Variants in SDK1 observed in about 807,000 individuals in gnomAD.
SDK1 encodes sidekick cell adhesion molecule 1.
Under a neutral mutation model 245.5 loss-of-function variants are expected in SDK1, and 157 were observed. That is an observed-to-expected ratio of 0.64 (90% CI 0.56 to 0.73). The LOEUF (loss-of-function observed/expected upper bound fraction) is 0.73, where lower values mean the gene tolerates loss of function less well. SDK1 is among the 30% of genes least tolerant of loss of function. The pLI is 0.00. For missense variants in SDK1, 3,583 were observed against 3,002.3 expected, an observed-to-expected ratio of 1.19 and a Z score of -4.52; for synonymous variants, 1,647 against 1,278.5, an observed-to-expected ratio of 1.29 and a Z score of -6.15.
intron 1 of SDK1, among the ~76,000 whole-genome samples, chr7:3,557,650 C>T (rs1429737727): frequency 6.6e-6 from 1 of 152,164 alleles, no homozygotes; most frequent in Non-Finnish European, 1.5e-5. Flanking sequence ...CAGCATTGTA[C>T]TAAGGCTTTC....
At chr7:3,903,437 C>A (rs879723476) in intron 5 of SDK1, among the ~76,000 whole-genome samples, 1 of 152,020 alleles carries the variant, frequency 6.6e-6, no homozygotes, top group Non-Finnish European at 1.5e-5. Flanking sequence ...CGAGCCACCG[C>A]GCCCGGCCGA....
intron 1 of SDK1, among the ~76,000 whole-genome samples, chr7:3,532,761 C>G (rs906962139): frequency 4.6e-5 from 7 of 152,152 alleles, no homozygotes; most frequent in Admixed American, 3.9e-4. Context: ...ACTCTGCATT[C>G]GAAGGGTGAC....
intron 1 of SDK1, among the ~76,000 whole-genome samples, chr7:3,507,176 A>T (rs563953491): frequency 6.6e-6 from 1 of 152,166 alleles, no homozygotes. Context: ...AATGTCTTCA[A>T]CACTGTGTGT....
intron 1 of SDK1, among the ~76,000 whole-genome samples, chr7:3,590,575 T>C (rs2128635485): frequency 1.3e-5 from 2 of 152,248 alleles, no homozygotes; most frequent in South Asian, 4.1e-4. Context: ...AGAAATCTAT[T>C]AATTAAAATG....
intron 5 of SDK1, among the ~76,000 whole-genome samples, chr7:3,864,927 C>T (rs1048224809): frequency 6.6e-6 from 1 of 152,202 alleles, no homozygotes; most frequent in East Asian, 1.9e-4. Context: ...TTTCCCCCAG[C>T]ACAAATCCTC....
intron 4 of SDK1, among the ~76,000 whole-genome samples, chr7:3,650,189 A>G (rs991373855): frequency 7.2e-5 from 11 of 152,138 alleles, no homozygotes; most frequent in African/African-American, 2.4e-4. Context: ...CGCTGGGAGT[A>G]CAGGTGTGAG....
At chr7:4,027,951 AG>A (rs1298376253) in intron 17 of SDK1, among the ~76,000 whole-genome samples, 11 of 151,592 alleles carry the variant, frequency 7.3e-5, no homozygotes, top group Non-Finnish European at 1.5e-5. Flanking sequence ...AGCAACAAGC[AG>A]GGGAAGAATG....
chr7:4,099,287 A>G (rs1394046256), intron 22 of SDK1, among the ~76,000 whole-genome samples: 2 of 151,096 alleles, frequency 1.3e-5, no homozygotes, highest in African/African-American at 4.9e-5. Flanking sequence ...TGGCATTGGA[A>G]AGACAGTTTG....
In SDK1 at chr7:3,418,145, G is replaced by GAAAAA. The variant is rs200914826; in HGVS notation, c.298+116280_298+116284dup. ...GTGAAACCCGATCTCTACTAAAAAT[G>GAAAAA]AAAAAAAAAAAAAAAAAAAAAAATA... On this transcript the variant is annotated intron_variant, in intron 1 of 44. Coordinates refer to ENST00000404826, the MANE Select transcript of SDK1 (RefSeq NM_152744.4). Among the ~76,000 whole-genome samples, 97 of 119,682 alleles carry GAAAAA rather than the reference G, an allele frequency of 8.1e-4. 3 individuals are homozygous for GAAAAA. The highest frequency in any genetic ancestry group is 2.8e-3 in the South Asian group (11 of 3,926). 78.5% of individuals were successfully genotyped at this position (119,682 alleles called of 152,430 possible). A position where few individuals can be genotyped will look rare whatever the true frequency, so the allele number is the denominator to read the frequency against.
rs192221806 is a variant in SDK1, at chr7:4,242,431, A to G, written c.6251+518A>G. Among the ~76,000 whole-genome samples, 540 of 152,280 alleles carry G rather than the reference A, an allele frequency of 3.5e-3. 5 individuals are homozygous for G. Among genetic ancestry groups the G allele is most frequent in the African/African-American group, 0.012 (518 of 41,550 alleles). Reference sequence around the variant, plus strand: ...CATCACCATAGCCTCCTTAGCTTATAATCCTTTTCCTAAATCCAGCAGGAA... The same window carrying G: ...CATCACCATAGCCTCCTTAGCTTATGATCCTTTTCCTAAATCCAGCAGGAA... On this transcript the variant is annotated intron_variant, in intron 43 of 44. Coordinates refer to ENST00000404826, the MANE Select transcript of SDK1 (RefSeq NM_152744.4).
chr7:3,683,929 C>G (rs1046166601), intron 4 of SDK1, among the ~76,000 whole-genome samples: 1 of 152,204 alleles, frequency 6.6e-6, no homozygotes, highest in Admixed American at 6.5e-5. Flanking sequence ...CCACTCCTGT[C>G]CCAATGCAGC....
chr7:3,656,792 C>T (rs937875177), intron 4 of SDK1, among the ~76,000 whole-genome samples: 7 of 149,044 alleles, frequency 4.7e-5, no homozygotes, highest in African/African-American at 7.4e-5. Context: ...CCAGGCCGGA[C>T]TGCGGACTGC....
At position 4,193,748 on chromosome 7, in the gene SDK1, C is replaced by G. The variant is rs112742901; in HGVS notation, c.5099-12131C>G. On this transcript the variant is annotated intron_variant, in intron 35 of 44. Coordinates refer to ENST00000404826, the MANE Select transcript of SDK1 (RefSeq NM_152744.4). ...AGTGAAGACTCTCACTCAAGGCAAT[C>G]TTAGCAGACTTGAGACTCAGTATCT... 1.1e-3 allele frequency among the ~76,000 whole-genome samples: 175 copies of G among 152,264 alleles called. 1 individual carries two copies. The highest frequency in any genetic ancestry group is 3.8e-3 in the African/African-American group (156 of 41,550).
chr7:3,716,689 G>C (rs1264081949), intron 4 of SDK1, among the ~76,000 whole-genome samples: 1 of 151,542 alleles, frequency 6.6e-6, no homozygotes, highest in Non-Finnish European at 1.5e-5. Context: ...AGCCCAGGAG[G>C]TCAGTGCTGC....
In SDK1 at chr7:4,253,199, A is replaced by G. The variant is rs187817777; in HGVS notation, c.6381+7394A>G. Among the ~76,000 whole-genome samples the G allele has an allele frequency of 2.9e-3, 437 of 152,072 alleles. 5 individuals are homozygous for G. The highest frequency in any genetic ancestry group is 9.7e-3 in the African/African-American group (401 of 41,492). Reference sequence around the variant, plus strand: ...GAGTTAATTTGCTCGTCTTCTTTCAATTTCCTAAGTTGGAAGTTTATGTTG... The same window carrying G: ...GAGTTAATTTGCTCGTCTTCTTTCAGTTTCCTAAGTTGGAAGTTTATGTTG... On this transcript the variant is annotated intron_variant, in intron 44 of 44. Coordinates refer to ENST00000404826, the MANE Select transcript of SDK1 (RefSeq NM_152744.4).
intron 4 of SDK1, among the ~76,000 whole-genome samples, chr7:3,657,432 G>A (rs116731296): frequency 2.8e-4 from 42 of 152,272 alleles, no homozygotes; most frequent in African/African-American, 9.4e-4. Context: ...GGTGAGGAGC[G>A]TCACTGTCTG....
chr7:4,182,789 G>A (rs1782672967), intron 35 of SDK1, among the ~76,000 whole-genome samples: 1 of 152,220 alleles, frequency 6.6e-6, no homozygotes, highest in African/African-American at 2.4e-5. Flanking sequence ...GCACAGGCTG[G>A]CAGAGGCTGT....
chr7:3,684,019 C>T (rs117174106), intron 4 of SDK1, among the ~76,000 whole-genome samples: 4,147 of 152,238 alleles, frequency 0.027, 82 homozygotes, highest in Middle Eastern at 0.044. Context: ...AGGTAATGTG[C>T]ATCTCCACCG....
At chr7:3,481,252 C>A (rs1304149406) in intron 1 of SDK1, among the ~76,000 whole-genome samples, 1 of 152,148 alleles carries the variant, frequency 6.6e-6, no homozygotes, top group Admixed American at 6.6e-5. Flanking sequence ...AACTAAGACA[C>A]AGAGGGTTAA....
Sources: allele counts gnomAD v4.1 joint callset (sites outside exome capture counted in the v4.1 genomes callset), GRCh38; gene constraint gnomAD v4.1.1; transcripts MANE v1.5; gene names NCBI Gene and HGNC (gene_info 2026-07-23, HGNC 2026-07-21).